The following RHBDL3 variants were observed in gnomAD, a reference collection of about 807,000 sequenced individuals.
The protein encoded by RHBDL3 is rhomboid-related protein 3.
RHBDL3 carries 28 observed loss-of-function variants against 48.2 expected under a neutral mutation model. The observed-to-expected ratio is 0.58, with a 90% confidence interval of 0.43 to 0.80. The LOEUF is 0.80. RHBDL3 is among the 30% of genes least tolerant of loss of function. RHBDL3 has a pLI of 0.00. For missense variants in RHBDL3, 464 were observed against 542.7 expected, an observed-to-expected ratio of 0.85 and a Z score of 1.44; for synonymous variants, 208 against 232.3, an observed-to-expected ratio of 0.90 and a Z score of 0.95.
intron 2 of RHBDL3, among the ~76,000 whole-genome samples, chr17:32,283,428 A>T (rs1263697504): frequency 6.3e-5 from 9 of 141,760 alleles, no homozygotes; most frequent in Admixed American, 2.9e-4. Flanking sequence ...TTCACGCCAT[A>T]CTCTCCTGCC....
At chr17:32,312,416 T>C (rs1597687569) in intron 7 of RHBDL3, among the ~76,000 whole-genome samples, 5 of 151,944 alleles carry the variant, frequency 3.3e-5, no homozygotes, top group Admixed American at 3.3e-4. Flanking sequence ...GCCTGGGCAA[T>C]AGAGTAAGAC....
chr17:32,320,318 G>A (rs1189237215), intron 8 of RHBDL3, among the ~76,000 whole-genome samples: 2 of 151,988 alleles, frequency 1.3e-5, no homozygotes, highest in African/African-American at 4.8e-5. Flanking sequence ...GTTTGTTGGG[G>A]TCAGGGTTTT....
chr17:32,318,184 C>CCA lies in RHBDL3; in HGVS notation c.943+1907_943+1908dup, dbSNP rs752590777. 8.0e-4 allele frequency among the ~76,000 whole-genome samples: 120 copies of CCA among 150,862 alleles called. No individual in the cohort carries two copies. The East Asian group carries it at 8.1e-3, about 10-fold the overall frequency. On this transcript the variant is annotated intron_variant, in intron 8 of 8. Transcript: ENST00000269051. ...TGGGCGACAGAGCAAGACCCTGTCT[C>CCA]CACACACACACACACAAAAATTAAA... is the stretch of plus-strand genomic sequence containing the variant.
At chr17:32,284,585 G>A in intron 2 of RHBDL3, 74 bp from the exon 3 acceptor site, 1 of 1,460,008 alleles carries the variant, frequency 6.8e-7, no homozygotes, top group Non-Finnish European at 9.5e-7. Context: ...TAGTGGTGGA[G>A]ATCAGGGCAC....
intron 2 of RHBDL3, among the ~76,000 whole-genome samples, chr17:32,282,317 A>G (rs2040071380): frequency 1.3e-5 from 2 of 152,208 alleles, no homozygotes; most frequent in Non-Finnish European, 2.9e-5. Context: ...CTGTAATCCC[A>G]GTACTTTGGG....
chr17:32,310,351 G>A (rs2040814231), intron 7 of RHBDL3, among the ~76,000 whole-genome samples: 1 of 152,012 alleles, frequency 6.6e-6, no homozygotes, highest in Admixed American at 6.6e-5. Context: ...GGAGGCCGAG[G>A]TGGGCAGATC....
At chr17:32,291,473 G>A (rs909547940) in intron 4 of RHBDL3, among the ~76,000 whole-genome samples, 6 of 151,968 alleles carry the variant, frequency 3.9e-5, no homozygotes, top group African/African-American at 1.4e-4. Context: ...TTGAGGTCAG[G>A]ATTTCAAGAC....
At position 32,274,390 on chromosome 17, in the gene RHBDL3, GT is replaced by G. The variant is rs1404238184; in HGVS notation, c.135+6466del. ...TGGCTTAAGCTGTGAACAACTAGAG[GT>G]AGCCCCCATCACCATTCCCCAGGCT... On this transcript the variant is annotated intron_variant, in intron 2 of 8. Transcript: ENST00000269051. 3.3e-5 allele frequency among the ~76,000 whole-genome samples: 5 copies of G among 152,200 alleles called. No individual in the cohort carries two copies. In the East Asian group the frequency reaches 9.6e-4, roughly 29 times the overall value.
intron 6 of RHBDL3, among the ~76,000 whole-genome samples, chr17:32,303,435 C>T (rs541099080): frequency 2.6e-5 from 4 of 152,222 alleles, no homozygotes; most frequent in Non-Finnish European, 5.9e-5. Context: ...CATGCAGATC[C>T]TGCTGCCTGT....
intron 6 of RHBDL3, among the ~76,000 whole-genome samples, chr17:32,298,688 C>T (rs1178967960): frequency 6.6e-6 from 1 of 152,254 alleles, no homozygotes; most frequent in African/African-American, 2.4e-5. Context: ...AGGTACCACC[C>T]TGGCCACGTA....
Position 32,321,118 on chromosome 17 carries a change from G to A in RHBDL3, c.1104G>A (p.Gln368=), listed in dbSNP as rs764023309. The change falls in exon 9 of 9, where the codon CAG becomes CAA. Residue 368 remains glutamine, a synonymous_variant. Coordinates refer to ENST00000269051, the MANE Select transcript of RHBDL3 (RefSeq NM_138328.3). ...ACTACGAGCAGAGGCTCCAGGACCA[G>A]TCACTGTGGTGGATTTTTGTGGCCA... ...LRNYEQRLQD[Q]SLWWIFVAMY... 7 of 1,614,274 alleles carry A rather than the reference G, an allele frequency of 4.3e-6. No individual in the cohort carries two copies. The highest frequency in any genetic ancestry group is 5.9e-6 in the Non-Finnish European group (7 of 1,180,044).
chr17:32,288,757 G>C (rs781402307), intron 3 of RHBDL3, 35 bp from the exon 4 acceptor site: 2 of 1,545,818 alleles, frequency 1.3e-6, no homozygotes, highest in East Asian at 4.7e-5. Context: ...CTGGGCCCCA[G>C]CTCTGACCCT....
intron 2 of RHBDL3, among the ~76,000 whole-genome samples, chr17:32,283,482 C>T (rs2040113576): frequency 6.6e-6 from 1 of 151,960 alleles, no homozygotes; most frequent in Non-Finnish European, 1.5e-5. Flanking sequence ...CACCACCACG[C>T]CCGGCTACTT....
chr17:32,309,890 T>C (rs1216215138), intron 7 of RHBDL3, among the ~76,000 whole-genome samples: 1 of 149,872 alleles, frequency 6.7e-6, no homozygotes. Flanking sequence ...AGCGATCCTC[T>C]TGCCTCAGCC....
chr17:32,307,414 A>C (rs958920186), intron 7 of RHBDL3, among the ~76,000 whole-genome samples: 1 of 152,076 alleles, frequency 6.6e-6, no homozygotes, highest in Non-Finnish European at 1.5e-5. Flanking sequence ...GAATTATCCC[A>C]TGTTTTTCTT....
At chr17:32,277,943 C>T (rs1483885174) in intron 2 of RHBDL3, among the ~76,000 whole-genome samples, 1 of 152,214 alleles carries the variant, frequency 6.6e-6, no homozygotes, top group South Asian at 2.1e-4. Flanking sequence ...TGTAGGACCA[C>T]AGAACCCTTA....
chr17:32,276,268 A>G (rs2039896859), intron 2 of RHBDL3, among the ~76,000 whole-genome samples: 1 of 152,098 alleles, frequency 6.6e-6, no homozygotes, highest in Non-Finnish European at 1.5e-5. Flanking sequence ...AAAATTGTGA[A>G]AGTCAGTATT....
intron 7 of RHBDL3, among the ~76,000 whole-genome samples, chr17:32,312,049 C>T (rs968166920): frequency 2.0e-5 from 3 of 152,208 alleles, no homozygotes; most frequent in Non-Finnish European, 2.9e-5. Flanking sequence ...CTGGAGACCT[C>T]AGATAAAGGA....
Position 32,321,304 on chromosome 17 carries a change from T to C in RHBDL3, c.*75T>C, listed in dbSNP as rs1172670179. ...GGAGCGCCTGCGAGGTTTCTTCTCA[T>C]CACCAGCTCAGCTAGGCCGGGCAGA... On this transcript the variant is annotated 3_prime_UTR_variant, in exon 9 of 9. Coordinates refer to ENST00000269051, the MANE Select transcript of RHBDL3 (RefSeq NM_138328.3). 3 of 1,601,138 alleles carry C rather than the reference T, an allele frequency of 1.9e-6. No individual in the cohort carries two copies. The highest frequency in any genetic ancestry group is 2.6e-6 in the Non-Finnish European group (3 of 1,175,978).
Sources: gnomAD v4.1 joint callset for allele counts (sites outside exome capture counted in the v4.1 genomes callset) on GRCh38, gnomAD v4.1.1 for gene constraint, MANE v1.5 for transcripts, NCBI Gene and HGNC (gene_info 2026-07-23, HGNC 2026-07-21) for gene names.